GAN: variants seen among roughly 807,000 people sequenced by gnomAD.
The protein encoded by GAN is gigaxonin, also known as epididymis secretory sperm binding protein.
Under a neutral mutation model 71.3 loss-of-function variants are expected in GAN, and 48 were observed. The observed-to-expected ratio is 0.67, with a 90% confidence interval of 0.53 to 0.86. The LOEUF (loss-of-function observed/expected upper bound fraction) is 0.86, where lower values mean the gene tolerates loss of function less well. Ranked by LOEUF, GAN falls within the 40% of genes least tolerant of loss-of-function variation. The probability of loss-of-function intolerance (pLI) is 0.00; values close to 1 mark genes in which losing one functional copy is unlikely to be tolerated. For synonymous variants in GAN, 386 were observed against 276.8 expected, an observed-to-expected ratio of 1.39 and a Z score of -3.92; for missense variants, 928 against 770.1, an observed-to-expected ratio of 1.21 and a Z score of -2.43.
intron 1 of GAN, among the ~76,000 whole-genome samples, chr16:81,334,071 A>C (rs1277108570): frequency 1.3e-5 from 2 of 152,262 alleles, no homozygotes; most frequent in African/African-American, 4.8e-5. Flanking sequence ...TCTTCAAATC[A>C]CATGACTCTC....
chr16:81,340,255 A>G (rs1053896316), intron 1 of GAN, among the ~76,000 whole-genome samples: 1 of 152,252 alleles, frequency 6.6e-6, no homozygotes, highest in Non-Finnish European at 1.5e-5. Context: ...TGTACTCATT[A>G]GAAATGATCC....
intron 4 of GAN, 108 bp downstream of exon 4, chr16:81,357,110 A>ATT: frequency 8.3e-5 from 55 of 664,844 alleles, no homozygotes; most frequent in East Asian, 4.9e-4. Context: ...ATTACATTTG[A>ATT]TTTTTTTTTT....
At chr16:81,325,566 G>A (rs1467881636) in intron 1 of GAN, among the ~76,000 whole-genome samples, 6 of 152,156 alleles carry the variant, frequency 3.9e-5, no homozygotes, top group African/African-American at 9.7e-5. Flanking sequence ...CTTTAAGAAG[G>A]CATTTAGTTG....
chr16:81,350,836 A>C (rs529587713), intron 1 of GAN, among the ~76,000 whole-genome samples: 40 of 152,248 alleles, frequency 2.6e-4, no homozygotes, highest in East Asian at 2.5e-3. Flanking sequence ...TCTTTAACAT[A>C]GCACAAAAGA....
chr16:81,338,698 G>C (rs929756854), intron 1 of GAN, among the ~76,000 whole-genome samples: 1 of 152,224 alleles, frequency 6.6e-6, no homozygotes, highest in Non-Finnish European at 1.5e-5. Flanking sequence ...AGACAAGTTT[G>C]TGTAGTTACT....
chr16:81,377,328 G>A lies in GAN; in HGVS notation c.1612G>A (p.Gly538Ser). ...SIYVIGDLDT[G>S]TNYDYVREFK... ...TTATGTTATTGGAGATCTTGATACA[G>A]GTAAGAGTGTTACAGTGATTTTCTT... Residue 538 changes from glycine (G) to serine (S), a missense_variant and splice_region_variant, in exon 10 of 11, where the codon GGT becomes AGT. Coordinates refer to ENST00000648994, the MANE Select transcript of GAN (RefSeq NM_022041.4). 3 of 1,584,092 alleles carry A rather than the reference G, an allele frequency of 1.9e-6. No homozygotes were observed. Among genetic ancestry groups the A allele is most frequent in the Non-Finnish European group, 2.6e-6 (3 of 1,152,564 alleles).
chr16:81,335,281 C>G lies in GAN; in HGVS notation c.168-16302C>G, dbSNP rs1909717617. ...GAATCTGTTTTTTTATAAAGCTCTC[C>G]TGAACATTCTGAGAAGGTCGACTGG... On this transcript the variant is annotated intron_variant, in intron 1 of 10. Transcript: ENST00000648994. Among the ~76,000 whole-genome samples the G allele has an allele frequency of 3.3e-5, 5 of 152,050 alleles. No individual in the cohort carries two copies. The South Asian group carries it at 8.3e-4, about 25-fold the overall frequency.
Position 81,354,970 on chromosome 16 carries a change from G to C in GAN, c.633+215G>C, listed in dbSNP as rs562398468. Reference sequence around the variant, plus strand: ...ACACAATATATCAGTGAAAATATTAGCCCTTGTAAGGAGCGTAATATCCTT... The same window carrying C: ...ACACAATATATCAGTGAAAATATTACCCCTTGTAAGGAGCGTAATATCCTT... On this transcript the variant is annotated intron_variant, in intron 3 of 10. Transcript: ENST00000648994. Among the ~76,000 whole-genome samples the C allele has an allele frequency of 1.5e-3, 236 of 152,290 alleles. 1 individual carries two copies. The highest frequency in any genetic ancestry group is 5.4e-3 in the African/African-American group (225 of 41,552).
chr16:81,373,422 C>G (rs1180341563), intron 9 of GAN, among the ~76,000 whole-genome samples: 1 of 152,138 alleles, frequency 6.6e-6, no homozygotes. Flanking sequence ...TCTAGATTTA[C>G]TCTTTAAGAA....
Position 81,376,561 on chromosome 16 carries a change from ATATATGTG to A in GAN, c.1503-644_1503-637del, listed in dbSNP as rs539454139. ...TATATGTATATACACACATATACAT[ATATATGTG>A]TATATGTGTATATATGTATGTATAA... On this transcript the variant is annotated intron_variant, in intron 9 of 10. Transcript: ENST00000648994. Among the ~76,000 whole-genome samples, 1,049 of 147,096 alleles carry A rather than the reference ATATATGTG, an allele frequency of 7.1e-3. 10 individuals are homozygous for A. Among genetic ancestry groups the A allele is most frequent in the African/African-American group, 0.024 (926 of 38,154 alleles).
At chr16:81,357,049 G>A (rs773846247) in intron 4 of GAN, 47 bp downstream of exon 4, 12 of 1,052,054 alleles carry the variant, frequency 1.1e-5, no homozygotes, top group African/African-American at 3.1e-5. Flanking sequence ...ATGGGAAGAG[G>A]TAGTTCCATG....
intron 7 of GAN, 54 bp downstream of exon 7, chr16:81,363,997 T>G: frequency 1.6e-6 from 2 of 1,284,880 alleles, no homozygotes; most frequent in Non-Finnish European, 2.3e-6. Flanking sequence ...ATTTTAAACT[T>G]AATGTGTCTT....
intron 1 of GAN, among the ~76,000 whole-genome samples, chr16:81,337,170 G>C (rs970086365): frequency 6.6e-6 from 1 of 152,138 alleles, no homozygotes; most frequent in Non-Finnish European, 1.5e-5. Flanking sequence ...TTCCCTACAG[G>C]AATGTGAATT....
intron 3 of GAN, 79 bp from the exon 4 acceptor site, chr16:81,356,706 A>G (rs574055038): frequency 1.0e-6 from 1 of 987,492 alleles, no homozygotes; most frequent in South Asian, 1.3e-5. Flanking sequence ...GTTTTCCATG[A>G]GGTGGAAAAT....
intron 5 of GAN, among the ~76,000 whole-genome samples, chr16:81,359,074 G>A (rs1428774371): frequency 6.6e-6 from 1 of 152,182 alleles, no homozygotes; most frequent in Non-Finnish European, 1.5e-5. Context: ...TATAGAAGTG[G>A]AGTCATTTTA....
chr16:81,331,787 T>C (rs1909586136), intron 1 of GAN, among the ~76,000 whole-genome samples: 1 of 152,194 alleles, frequency 6.6e-6, no homozygotes. Flanking sequence ...GAAGCAAGAA[T>C]TACATTTTGG....
At chr16:81,320,836 C>T (rs922941561) in intron 1 of GAN, among the ~76,000 whole-genome samples, 1 of 152,068 alleles carries the variant, frequency 6.6e-6, no homozygotes, top group African/African-American at 2.4e-5. Context: ...TAAGGCGTTC[C>T]TAACAACTGC....
chr16:81,325,230 A>G (rs1333252768), intron 1 of GAN, among the ~76,000 whole-genome samples: 3 of 152,266 alleles, frequency 2.0e-5, no homozygotes, highest in African/African-American at 7.2e-5. Flanking sequence ...GTATAGAACA[A>G]AAGCTATTTT....
intron 1 of GAN, among the ~76,000 whole-genome samples, chr16:81,320,603 G>A (rs1909192238): frequency 6.6e-6 from 1 of 152,150 alleles, no homozygotes; most frequent in Non-Finnish European, 1.5e-5. Context: ...AGCAGCTCCC[G>A]AATGATTGTC....
Sources: allele counts gnomAD v4.1 joint callset (sites outside exome capture counted in the v4.1 genomes callset), GRCh38; gene constraint gnomAD v4.1.1; transcripts MANE v1.5; gene names NCBI Gene and HGNC (gene_info 2026-07-23, HGNC 2026-07-21).